The following RHEBL1 variants were observed in gnomAD, a reference collection of about 807,000 sequenced individuals.
The protein encoded by RHEBL1 is RHEB like 1, also known as GTPase RhebL1.
Under a neutral mutation model 27.4 loss-of-function variants are expected in RHEBL1, and 22 were observed. That is an observed-to-expected ratio of 0.80 (90% confidence interval 0.57 to 1.15). RHEBL1 has a LOEUF of 1.15. Among genes scored for constraint, RHEBL1 ranks in the 50% most tolerant of loss-of-function variants. The probability of loss-of-function intolerance (pLI) is 0.00; values close to 1 mark genes in which losing one functional copy is unlikely to be tolerated. For synonymous variants in RHEBL1, 85 were observed against 80.8 expected (o/e 1.05, Z -0.28); for missense variants, 186 against 226.5 (o/e 0.82, Z 1.15).
Position 49,066,214 on chromosome 12 carries a change from A to G in RHEBL1, c.380+17T>C. The G allele has an allele frequency of 6.2e-7, 1 of 1,605,962 alleles. No individual in the cohort carries two copies. On this transcript the variant is annotated intron_variant, in intron 6 of 7. Coordinates refer to ENST00000301068, the MANE Select transcript of RHEBL1 (RefSeq NM_144593.3). ...CATTTCACTTCCTTTTGCTCTGAGT[A>G]GCAGAGATTTACATACCTCTCTGGA...
At position 49,069,933 on chromosome 12, in the gene RHEBL1, CG is replaced by C. The variant is rs2120776504; in HGVS notation, c.-149del. On this transcript the variant is annotated 5_prime_UTR_variant, in exon 1 of 8. Coordinates refer to ENST00000301068, the MANE Select transcript of RHEBL1 (RefSeq NM_144593.3). ...CAAGTTAGAAGGAAACCAAAACAAG[CG>C]CCGCGCCCGGAGCTGCCCACGTGAT... The C allele has an allele frequency of 5.9e-6, 4 of 679,692 alleles. No homozygotes were observed. In the Admixed American group the frequency reaches 9.4e-5, roughly 16 times the overall value. The allele number at this position is 679,692 out of a possible 1,614,324, so 42.1% of individuals were successfully genotyped here.
chr12:49,065,969 C>G (rs901456217), intron 6 of RHEBL1, among the ~76,000 whole-genome samples: 1 of 151,810 alleles, frequency 6.6e-6, no homozygotes, highest in African/African-American at 2.4e-5. Context: ...CTGACCCATG[C>G]CATTTCCCCA....
At chr12:49,069,343 C>G (rs2120771264) in intron 1 of RHEBL1, among the ~76,000 whole-genome samples, 1 of 152,232 alleles carries the variant, frequency 6.6e-6, no homozygotes, top group African/African-American at 2.4e-5. Context: ...GCCGCCTTCC[C>G]CACCCCATCC....
intron 2 of RHEBL1, among the ~76,000 whole-genome samples, chr12:49,068,303 G>A (rs1939031515): frequency 6.6e-6 from 1 of 151,126 alleles, no homozygotes; most frequent in African/African-American, 2.4e-5. Context: ...CTAATTTTTT[G>A]TATTTTTAGT....
intron 5 of RHEBL1, 42 bp from the exon 6 acceptor site, chr12:49,066,320 C>T (rs369525595): frequency 9.4e-6 from 15 of 1,600,252 alleles, no homozygotes; most frequent in African/African-American, 6.7e-5. Context: ...CCTCATTCCC[C>T]GCATTCCCCA....
At chr12:49,067,763 G>A (rs935091490) in intron 2 of RHEBL1, among the ~76,000 whole-genome samples, 3 of 152,096 alleles carry the variant, frequency 2.0e-5, no homozygotes, top group African/African-American at 7.2e-5. Flanking sequence ...CTGGGTGACA[G>A]AGCGAGACTG....
chr12:49,065,185 T>G lies in RHEBL1; in HGVS notation c.470A>C (p.Gln157Pro). The change falls in exon 8 of 8, where the codon CAA (glutamine) becomes CCA (proline). Residue 157 changes from glutamine to proline, a missense_variant. Physicochemically the swap from Gln to Pro is moderately conservative, Grantham distance 76 (BLOSUM62 -1). Coordinates refer to ENST00000301068, the MANE Select transcript of RHEBL1 (RefSeq NM_144593.3). ...CTGGATGACTTTGGTGAAGATGCCTTGAGTCAGCTATAAGAGGAGAGGATT... is the reference window on the plus strand; with the variant it reads ...CTGGATGACTTTGGTGAAGATGCCTGGAGTCAGCTATAAGAGGAGAGGATT... ...ESSARENQLT[Q>P]GIFTKVIQEI... 2 of 1,613,530 alleles carry G rather than the reference T, an allele frequency of 1.2e-6. No individual in the cohort carries two copies. Among genetic ancestry groups the G allele is most frequent in the African/African-American group, 1.3e-5 (1 of 75,026 alleles).
In RHEBL1 at chr12:49,069,586, TC is replaced by T. The variant is rs1555201497; in HGVS notation, c.52+147del. On this transcript the variant is annotated intron_variant, in intron 1 of 7. Coordinates refer to ENST00000301068, the MANE Select transcript of RHEBL1 (RefSeq NM_144593.3). ...ACCACCAACTCTTCCAATCCTCCAC[TC>T]TTCCATTCCTCCACTCTTCCAATCC... 4.3e-5 allele frequency: 10 copies of T among 233,858 alleles called. 4 individuals are homozygous for T. The highest frequency in any genetic ancestry group is 7.6e-5 in the Non-Finnish European group (10 of 131,830). The allele number at this position is 233,858 out of a possible 1,614,324, so 14.5% of individuals were successfully genotyped here.
At position 49,069,795 on chromosome 12, in the gene RHEBL1, C is replaced by T; in HGVS notation, c.-10G>A. ...AGCGGACTAGCGGCATGGCAGGAGC[C>T]CGCCCCAGGGGCTTGCGGAACTGCG... On this transcript the variant is annotated 5_prime_UTR_variant, in exon 1 of 8. Coordinates refer to ENST00000301068, the MANE Select transcript of RHEBL1 (RefSeq NM_144593.3). 1 of 1,613,606 alleles carries T rather than the reference C, an allele frequency of 6.2e-7. No individual in the cohort carries two copies. The highest frequency in any genetic ancestry group is 8.5e-7 in the Non-Finnish European group (1 of 1,179,780).
chr12:49,069,283 C>A, intron 1 of RHEBL1, 177 bp from the exon 2 acceptor site: 2 of 1,093,540 alleles, frequency 1.8e-6, no homozygotes, highest in Non-Finnish European at 1.3e-6. Flanking sequence ...CCAGGGTCTC[C>A]GCACTTTGGC....
At chr12:49,067,412 T>C (rs1481538308) in intron 2 of RHEBL1, among the ~76,000 whole-genome samples, 2 of 151,758 alleles carry the variant, frequency 1.3e-5, no homozygotes, top group Non-Finnish European at 2.9e-5. Context: ...CCCAAGTAGC[T>C]GGAACTACAG....
intron 2 of RHEBL1, 63 bp from the exon 3 acceptor site, chr12:49,067,098 ACT>A: frequency 9.3e-6 from 8 of 855,746 alleles, no homozygotes; most frequent in Admixed American, 2.8e-5. Context: ...ATGTCCCCTG[ACT>A]TTTTTTTTTT....
chr12:49,069,360 T>C (rs938798969), intron 1 of RHEBL1, among the ~76,000 whole-genome samples: 2 of 151,770 alleles, frequency 1.3e-5, no homozygotes, highest in African/African-American at 4.8e-5. Context: ...ATCCCACTCG[T>C]AGGAAGATCC....
rs1307838420 is a variant in RHEBL1 at position 49,066,517 on chromosome 12, C to G, written c.291G>C (p.Glu97Asp). The change falls in exon 5 of 8, where the codon GAG (glutamate) becomes GAC (aspartate). Residue 97 changes from glutamate to aspartate, a missense_variant. Coordinates refer to ENST00000301068, the MANE Select transcript of RHEBL1 (RefSeq NM_144593.3). ...VTSLHSFQVI[E>D]SLYQKLHEGH... is the part of the protein sequence containing the mutation. ...CTTCATGTAGCTTTTGGTACAGACTCTCAATGACTTGGAAGCTTTAAACAC... is the reference window on the plus strand; with the variant it reads ...CTTCATGTAGCTTTTGGTACAGACTGTCAATGACTTGGAAGCTTTAAACAC... The G allele has an allele frequency of 5.0e-6, 8 of 1,614,036 alleles. No homozygotes were observed. The highest frequency in any genetic ancestry group is 6.8e-6 in the Non-Finnish European group (8 of 1,180,048).
chr12:49,065,494 CTT>C (rs1938981773), intron 6 of RHEBL1, 63 bp from the exon 7 acceptor site: 1 of 1,393,062 alleles, frequency 7.2e-7, no homozygotes, highest in Non-Finnish European at 1.0e-6. Context: ...TCTGAAAAAT[CTT>C]CAGAATCAAG....
rs1183291487 is a variant in RHEBL1 at position 49,064,948 on chromosome 12, G to A, written c.*155C>T. 1.6e-6 allele frequency: 1 copy of A among 624,200 alleles called. No homozygotes were observed. Among genetic ancestry groups the A allele is most frequent in the Admixed American group, 2.6e-5 (1 of 38,072 alleles). The allele number at this position is 624,200 out of a possible 1,614,324, so 38.7% of individuals were successfully genotyped here. On this transcript the variant is annotated 3_prime_UTR_variant, in exon 8 of 8. Transcript: ENST00000301068. The stretch of plus-strand genomic sequence containing the variant: ...TTGACATCCAGGCCACTGGAGCCTG[G>A]GGAAAGTGTGCAAACATGAGGATGC...
Position 49,069,114 on chromosome 12 carries a change from G to T in RHEBL1, c.53-8C>A. 6.2e-7 allele frequency: 1 copy of T among 1,614,084 alleles called. No individual in the cohort carries two copies. Among genetic ancestry groups the T allele is most frequent in the Non-Finnish European group, 8.5e-7 (1 of 1,179,946 alleles). On this transcript the variant is annotated splice_region_variant and splice_polypyrimidine_tract_variant and intron_variant, in intron 1 of 7. Transcript: ENST00000301068. ...GTGCCAAAGATGTCTTCCCTGTGGG[G>T]AGCAGTGTGACAGTTGTATCCAAAT...
Position 49,069,826 on chromosome 12 carries a change from A to G in RHEBL1, c.-41T>C, listed in dbSNP as rs1431286208. The G allele has an allele frequency of 6.3e-7, 1 of 1,585,668 alleles. No homozygotes were observed. Among genetic ancestry groups the G allele is most frequent in the East Asian group, 2.2e-5 (1 of 44,708 alleles). On this transcript the variant is annotated 5_prime_UTR_variant, in exon 1 of 8. Transcript: ENST00000301068. ...CAGGGGCTTGCGGAACTGCGGGCTC[A>G]GAGAGCCCGAAAACGAGGTCAGGGT...
Position 49,069,890 on chromosome 12 carries a change from C to T in RHEBL1, c.-105G>A, listed in dbSNP as rs1184126003. ...GCAGCTGGTGCAGGAAAGTCGCTCA[C>T]CCCGAAGCTGCCGTGGGCAAGTTAG... On this transcript the variant is annotated 5_prime_UTR_variant, in exon 1 of 8. It adds an upstream start codon to the 5' untranslated region. Coordinates refer to ENST00000301068, the MANE Select transcript of RHEBL1 (RefSeq NM_144593.3). 3.4e-5 allele frequency: 33 copies of T among 974,088 alleles called. No homozygotes were observed. Among genetic ancestry groups the T allele is most frequent in the Non-Finnish European group, 5.3e-5 (33 of 622,510 alleles). The allele number at this position is 974,088 out of a possible 1,614,324, so 60.3% of individuals were successfully genotyped here. A position where few individuals can be genotyped will look rare whatever the true frequency, so the allele number is the denominator to read the frequency against.
Sources: allele counts gnomAD v4.1 joint callset (sites outside exome capture counted in the v4.1 genomes callset), GRCh38; gene constraint gnomAD v4.1.1; transcripts MANE v1.5; gene names NCBI Gene and HGNC (gene_info 2026-07-23, HGNC 2026-07-21).